Variants in VPS13B observed in about 807,000 individuals in gnomAD.
The protein encoded by VPS13B is vacuolar protein sorting 13 homolog B, also known as intermembrane lipid transfer protein VPS13B.
In VPS13B, 285 loss-of-function variants were observed where a neutral mutation model predicts 426.4. The ratio of observed to expected loss-of-function variants is 0.67; its 90% CI spans 0.61 to 0.74. VPS13B has a LOEUF of 0.74. VPS13B is among the 30% of genes least tolerant of loss of function. The probability of loss-of-function intolerance (pLI) is 0.00; values close to 1 mark genes in which losing one functional copy is unlikely to be tolerated. For missense variants in VPS13B, 4,537 were observed against 4,782.6 expected, an observed-to-expected ratio of 0.95 and a Z score of 1.51; for synonymous variants, 1,676 against 1,676.4, an observed-to-expected ratio of 1.00 and a Z score of 0.01.
intron 19 of VPS13B, among the ~76,000 whole-genome samples, chr8:99,351,852 TG>T (rs1811913251): frequency 6.6e-6 from 1 of 152,148 alleles, no homozygotes; most frequent in Admixed American, 6.5e-5. Context: ...GATGTTTTGC[TG>T]TTGTCTGTGG....
intron 21 of VPS13B, among the ~76,000 whole-genome samples, chr8:99,393,747 T>G (rs2133317822): frequency 6.6e-6 from 1 of 152,278 alleles, no homozygotes; most frequent in East Asian, 1.9e-4. Context: ...TTCTTTCCCT[T>G]TGGGTGCCCA....
At chr8:99,862,286 C>T (rs886701844) in intron 58 of VPS13B, among the ~76,000 whole-genome samples, 2 of 152,202 alleles carry the variant, frequency 1.3e-5, no homozygotes, top group African/African-American at 2.4e-5. Context: ...TGATGGGCAA[C>T]GCTTCCGAAG....
At position 99,274,207 on chromosome 8, in the gene VPS13B, C is replaced by G; in HGVS notation, c.2525C>G (p.Ser842Cys). ...AGTTTTCTTTTATTAGGTGTGAAAT[C>G]TAAGAATCCCCTGCCAACTCTTGAG... ...NEIFLSIGVK[S>C]KNPLPTLEGS... Residue 842 changes from serine (S) to cysteine (C), a missense_variant, in exon 18 of 62, where the codon TCT becomes TGT. Around this residue, in one of 2 missense-constraint regions of VPS13B, gnomAD observed 4,311 missense variants for 4,474.3 expected, o/e 0.96. Coordinates refer to ENST00000357162, the MANE Select transcript of VPS13B (RefSeq NM_152564.5). The G allele has an allele frequency of 6.2e-7, 1 of 1,614,088 alleles. No homozygotes were observed. Among genetic ancestry groups the G allele is most frequent in the Non-Finnish European group, 8.5e-7 (1 of 1,180,006 alleles).
chr8:99,482,925 C>T (rs1820119308), intron 25 of VPS13B, among the ~76,000 whole-genome samples: 1 of 151,984 alleles, frequency 6.6e-6, no homozygotes, highest in Non-Finnish European at 1.5e-5. Context: ...ATTTCCAAAA[C>T]ATTGCTTAGA....
chr8:99,190,263 G>A (rs1164795761), intron 16 of VPS13B, among the ~76,000 whole-genome samples: 3 of 150,684 alleles, frequency 2.0e-5, no homozygotes, highest in Non-Finnish European at 4.4e-5. Flanking sequence ...TGTTTTGCTC[G>A]TTCGTTTACT....
At chr8:99,493,179 G>C (rs1320856220) in intron 25 of VPS13B, among the ~76,000 whole-genome samples, 1 of 152,104 alleles carries the variant, frequency 6.6e-6, no homozygotes, top group African/African-American at 2.4e-5. Flanking sequence ...GGTATCTATA[G>C]TCATGAGTGA....
At chr8:99,621,608 C>G (rs1404283616) in intron 33 of VPS13B, among the ~76,000 whole-genome samples, 1 of 152,002 alleles carries the variant, frequency 6.6e-6, no homozygotes, top group Non-Finnish European at 1.5e-5. Flanking sequence ...TAGTGATTGT[C>G]TTGTTGCAGA....
At chr8:99,377,338 CTCTCTA>C (rs1813544054) in intron 19 of VPS13B, among the ~76,000 whole-genome samples, 1 of 152,046 alleles carries the variant, frequency 6.6e-6, no homozygotes, top group Non-Finnish European at 1.5e-5. Context: ...TCACTCAGAC[CTCTCTA>C]TCTCTAACTT....
At chr8:99,794,886 T>C (rs571713058) in intron 43 of VPS13B, among the ~76,000 whole-genome samples, 9 of 152,322 alleles carry the variant, frequency 5.9e-5, no homozygotes, top group Non-Finnish European at 1.3e-4. Flanking sequence ...AGAACTCCTT[T>C]TGTTTGACTA....
At chr8:99,819,692 C>A in intron 48 of VPS13B, 110 bp downstream of exon 48, 1 of 1,323,284 alleles carries the variant, frequency 7.6e-7, no homozygotes, top group South Asian at 1.3e-5. Context: ...CTGTCAGATT[C>A]TTACCTTTTA....
chr8:99,308,414 G>A (rs570437172), intron 19 of VPS13B, among the ~76,000 whole-genome samples: 2 of 152,224 alleles, frequency 1.3e-5, no homozygotes, highest in Admixed American at 1.3e-4. Flanking sequence ...CCACCTATGA[G>A]TGAGAACATG....
intron 17 of VPS13B, among the ~76,000 whole-genome samples, chr8:99,259,257 T>A (rs972528394): frequency 6.6e-6 from 1 of 152,150 alleles, no homozygotes; most frequent in Non-Finnish European, 1.5e-5. Context: ...TTCTTCCTCT[T>A]CTATCATGGA....
At chr8:99,428,646 G>A (rs981895270) in intron 21 of VPS13B, among the ~76,000 whole-genome samples, 1 of 152,182 alleles carries the variant, frequency 6.6e-6, no homozygotes. Context: ...AGGTGCTGGA[G>A]AGGATGTGGA....
intron 33 of VPS13B, among the ~76,000 whole-genome samples, chr8:99,606,073 AT>A (rs938417933): frequency 5.4e-5 from 8 of 148,426 alleles, no homozygotes; most frequent in East Asian, 2.0e-4. Context: ...TTTTTGTATT[AT>A]TTTTTTTTTC....
intron 15 of VPS13B, among the ~76,000 whole-genome samples, chr8:99,158,216 G>A (rs932284469): frequency 6.6e-6 from 1 of 152,186 alleles, no homozygotes; most frequent in Admixed American, 6.5e-5. Flanking sequence ...TAGCTAGGGA[G>A]GAGAAGTCAA....
At chr8:99,151,638 A>G (rs1012947219) in intron 14 of VPS13B, among the ~76,000 whole-genome samples, 9 of 151,868 alleles carry the variant, frequency 5.9e-5, no homozygotes, top group African/African-American at 1.2e-4. Flanking sequence ...GGTTCAAGCG[A>G]TTCTCCTTCC....
Position 99,820,079 on chromosome 8 carries a change from T to C in VPS13B, c.8951T>C (p.Leu2984Pro). 1 of 1,614,026 alleles carries C rather than the reference T, an allele frequency of 6.2e-7. No individual in the cohort carries two copies. The highest frequency in any genetic ancestry group is 8.5e-7 in the Non-Finnish European group (1 of 1,179,880). Residue 2984 changes from leucine (L) to proline (P), a missense_variant, in exon 49 of 62, where the codon CTA becomes CCA. Physicochemically the swap from Leu to Pro is moderately conservative, Grantham distance 98. Coordinates refer to ENST00000357162, the MANE Select transcript of VPS13B (RefSeq NM_152564.5). ...CTATTTGAAGGAGAGAAAATTGTTC[T>C]ACAGGTTCCTGCTGGCAAAATTATT... ...LWLFEGEKIV[L>P]QVPAGKIIIP... is the part of the protein sequence containing the mutation.
intron 21 of VPS13B, among the ~76,000 whole-genome samples, chr8:99,421,124 C>T (rs1816344898): frequency 6.6e-6 from 1 of 152,072 alleles, no homozygotes; most frequent in Non-Finnish European, 1.5e-5. Context: ...TCTTGTGGCA[C>T]AACTAAAACA....
chr8:99,027,713 T>G (rs1228279945), intron 2 of VPS13B, among the ~76,000 whole-genome samples: 1 of 152,078 alleles, frequency 6.6e-6, no homozygotes, highest in Admixed American at 6.5e-5. Context: ...AGAAATCTGC[T>G]GTTAGTTTTT....
Sources: allele counts gnomAD v4.1 joint callset (sites outside exome capture counted in the v4.1 genomes callset), GRCh38; gene constraint gnomAD v4.1.1; regional missense constraint gnomAD v4.1.1; transcripts MANE v1.5; gene names NCBI Gene and HGNC (gene_info 2026-07-23, HGNC 2026-07-21).